Variants in CNKSR3 observed in about 807,000 individuals in gnomAD.
CNKSR3 encodes connector enhancer of kinase suppressor of ras 3.
In CNKSR3, 36 loss-of-function variants were observed where a neutral mutation model predicts 67.7. The ratio of observed to expected loss-of-function variants is 0.53; its 90% confidence interval spans 0.41 to 0.70. The LOEUF is 0.70. Among genes scored for constraint, CNKSR3 ranks in the 30% least tolerant of loss-of-function variants. The pLI, the probability that CNKSR3 is intolerant of heterozygous loss-of-function variation, is 0.00. For synonymous variants in CNKSR3, 281 were observed against 271.4 expected (o/e 1.04, Z -0.35); for missense variants, 630 against 695.2 (o/e 0.91, Z 1.05).
chr6:154,417,945 C>A (rs181196963), intron 9 of CNKSR3, among the ~76,000 whole-genome samples: 192 of 152,288 alleles, frequency 1.3e-3, no homozygotes, highest in African/African-American at 4.4e-3. Flanking sequence ...GCCTGGCACT[C>A]CATACCTGCC....
At chr6:154,411,260 T>C in intron 10 of CNKSR3, 118 bp from the exon 11 acceptor site, 1 of 721,624 alleles carries the variant, frequency 1.4e-6, no homozygotes, top group Non-Finnish European at 2.3e-6. Flanking sequence ...CCTTTTCCAC[T>C]GGAGGAAAAG....
intron 4 of CNKSR3, among the ~76,000 whole-genome samples, chr6:154,437,272 G>A (rs74482107): frequency 7.9e-5 from 12 of 152,180 alleles, no homozygotes; most frequent in African/African-American, 2.6e-4. Context: ...CCCCTGGCAC[G>A]TTCAATCTCA....
intron 1 of CNKSR3, among the ~76,000 whole-genome samples, chr6:154,466,320 G>C (rs1786197611): frequency 6.6e-6 from 1 of 152,168 alleles, no homozygotes; most frequent in Non-Finnish European, 1.5e-5. Context: ...TGTAAGTAGA[G>C]AAGGGCCAGT....
chr6:154,472,961 GA>G (rs1786363576), intron 1 of CNKSR3, among the ~76,000 whole-genome samples: 1 of 152,126 alleles, frequency 6.6e-6, no homozygotes, highest in African/African-American at 2.4e-5. Context: ...GTCTATCAAT[GA>G]GCTTTTATGG....
At position 154,395,554 on chromosome 6, in the gene CNKSR3, A is replaced by G. The variant is rs969470027; in HGVS notation, c.*10800T>C. ...AACATCACAGACTCAGATGAGCCCT[A>G]TGTAGCAATATGCAAAGGACATTAC... On this transcript the variant is annotated 3_prime_UTR_variant, in exon 13 of 13. Transcript: ENST00000607772. 1 of 152,224 alleles carries G rather than the reference A, an allele frequency of 6.6e-6. No individual in the cohort carries two copies. Among genetic ancestry groups the G allele is most frequent in the African/African-American group, 2.4e-5 (1 of 41,460 alleles). 9.4% of individuals were successfully genotyped at this position (152,224 alleles called of 1,614,324 possible). A position where few individuals can be genotyped will look rare whatever the true frequency, so the allele number is the denominator to read the frequency against.
intron 1 of CNKSR3, among the ~76,000 whole-genome samples, chr6:154,460,121 G>A (rs1205649848): frequency 6.6e-6 from 1 of 152,218 alleles, no homozygotes; most frequent in African/African-American, 2.4e-5. Context: ...GCAGGGACAG[G>A]CGAAAGAACA....
At chr6:154,475,713 G>C (rs1046942302) in intron 1 of CNKSR3, among the ~76,000 whole-genome samples, 1 of 152,194 alleles carries the variant, frequency 6.6e-6, no homozygotes, top group Non-Finnish European at 1.5e-5. Context: ...CCACCCTGCT[G>C]CACCTCTGAC....
intron 2 of CNKSR3, among the ~76,000 whole-genome samples, chr6:154,447,549 C>G (rs1164337651): frequency 2.0e-5 from 3 of 152,304 alleles, no homozygotes; most frequent in East Asian, 1.9e-4. Flanking sequence ...GATGGTTTCT[C>G]TCATTGCTCT....
rs754195063 is a variant in CNKSR3, at chr6:154,404,509, T to C, written c.*1845A>G. ...GCCAGGCCGAAATACCAGATCTTCA[T>C]GGCAGTTGTCTTAGAGGTAGAGAAG... On this transcript the variant is annotated 3_prime_UTR_variant, in exon 13 of 13. Transcript: ENST00000607772. The C allele has an allele frequency of 1.3e-5, 2 of 152,020 alleles. No homozygotes were observed. Among genetic ancestry groups the C allele is most frequent in the Non-Finnish European group, 2.9e-5 (2 of 68,042 alleles). The allele number at this position is 152,020 out of a possible 1,614,324, so 9.4% of individuals were successfully genotyped here.
At chr6:154,494,745 A>AC (rs1212560258) in intron 1 of CNKSR3, among the ~76,000 whole-genome samples, 3 of 151,428 alleles carry the variant, frequency 2.0e-5, no homozygotes, top group Non-Finnish European at 4.4e-5. Flanking sequence ...AGCCCTACAC[A>AC]CCCCCGTTCC....
At chr6:154,433,062 G>A (rs117290682) in intron 5 of CNKSR3, among the ~76,000 whole-genome samples, 40 of 152,278 alleles carry the variant, frequency 2.6e-4, no homozygotes, top group Admixed American at 6.5e-4. Flanking sequence ...GTTACAAAAT[G>A]CTCCTTAAAC....
At chr6:154,487,213 A>G (rs2114645266) in intron 1 of CNKSR3, among the ~76,000 whole-genome samples, 1 of 152,298 alleles carries the variant, frequency 6.6e-6, no homozygotes, top group East Asian at 1.9e-4. Context: ...TCCTTGTTTG[A>G]TTTGAGATTG....
rs974538894 is a variant in CNKSR3, at chr6:154,410,491, C to T, written c.1280-59G>A. 16 of 1,167,856 alleles carry T rather than the reference C, an allele frequency of 1.4e-5. No homozygotes were observed. The Admixed American group carries it at 1.7e-4, about 13-fold the overall frequency. The allele number at this position is 1,167,856 out of a possible 1,614,324, so 72.3% of individuals were successfully genotyped here. A position where few individuals can be genotyped will look rare whatever the true frequency, so the allele number is the denominator to read the frequency against. ...GATGAGTTCTGGAACTTTAGTGAAC[C>T]GTTCCCTTTATGTATAACTTAGACC... On this transcript the variant is annotated intron_variant, in intron 11 of 12. Transcript: ENST00000607772.
intron 6 of CNKSR3, among the ~76,000 whole-genome samples, chr6:154,429,093 C>T (rs1395870468): frequency 1.3e-5 from 2 of 152,086 alleles, no homozygotes; most frequent in African/African-American, 2.4e-5. Context: ...AGTGATACAC[C>T]GAATGTATCA....
At chr6:154,423,473 G>A (rs1452554347) in intron 7 of CNKSR3, among the ~76,000 whole-genome samples, 1 of 152,090 alleles carries the variant, frequency 6.6e-6, no homozygotes, top group Non-Finnish European at 1.5e-5. Flanking sequence ...GGCCAGGCTG[G>A]TCTCGAACTC....
chr6:154,429,474 A>G (rs928121013), intron 6 of CNKSR3, among the ~76,000 whole-genome samples: 1 of 152,152 alleles, frequency 6.6e-6, no homozygotes, highest in Admixed American at 6.5e-5. Context: ...CTGCCTACTC[A>G]GGACATTTAT....
At chr6:154,414,893 C>T (rs1009331622) in intron 9 of CNKSR3, 7 of 444,808 alleles carry the variant, frequency 1.6e-5, no homozygotes, top group Admixed American at 1.2e-4. Context: ...CTCAGGACTT[C>T]GAGACCAGCC....
chr6:154,479,037 G>A (rs1296441912), intron 1 of CNKSR3, among the ~76,000 whole-genome samples: 1 of 151,348 alleles, frequency 6.6e-6, no homozygotes, highest in Non-Finnish European at 1.5e-5. Flanking sequence ...TGTTTAAAAA[G>A]GGGGAGGAAC....
chr6:154,498,353 C>CA (rs11324937), intron 1 of CNKSR3, among the ~76,000 whole-genome samples: 1,884 of 138,704 alleles, frequency 0.014, 15 homozygotes, highest in African/African-American at 0.024. Flanking sequence ...TGGTCTACGT[C>CA]AAAAAAAAAA....
Sources: gnomAD v4.1 joint callset for allele counts (sites outside exome capture counted in the v4.1 genomes callset) on GRCh38, gnomAD v4.1.1 for gene constraint, MANE v1.5 for transcripts, NCBI Gene and HGNC (gene_info 2026-07-23, HGNC 2026-07-21) for gene names.